Variants in GPC5 observed in about 807,000 individuals in gnomAD.
GPC5 encodes the protein glypican-5.
A neutral mutation model predicts 53.9 loss-of-function variants in GPC5; 47 were observed. That is an observed-to-expected ratio of 0.87 (90% confidence interval 0.69 to 1.11). The LOEUF is 1.11. Ranked by LOEUF, GPC5 falls within the 50% of genes most tolerant of loss-of-function variation. GPC5 has a pLI of 0.00. For synonymous variants in GPC5, 286 were observed against 263.3 expected (o/e 1.09, Z -0.84); for missense variants, 748 against 713.1 (o/e 1.05, Z -0.56).
chr13:92,761,538 C>A, intron 7 of GPC5, among the ~76,000 whole-genome samples: 1 of 152,072 alleles, frequency 6.6e-6, no homozygotes. Flanking sequence ...GTAGAGTCAT[C>A]CTTGTTCTCA....
intron 7 of GPC5, among the ~76,000 whole-genome samples, chr13:92,413,267 C>T (rs865854783): frequency 1.3e-5 from 2 of 152,126 alleles, no homozygotes; most frequent in Non-Finnish European, 1.5e-5. Context: ...GTTGGTTTTA[C>T]AGCTCCTTAA....
chr13:92,621,087 G>C (rs940657891), intron 7 of GPC5, among the ~76,000 whole-genome samples: 6 of 152,052 alleles, frequency 3.9e-5, no homozygotes, highest in African/African-American at 1.4e-4. Context: ...TCTTTCTCTT[G>C]CCTCTTCTTA....
intron 2 of GPC5, among the ~76,000 whole-genome samples, chr13:91,583,287 A>T (rs2032439083): frequency 6.6e-6 from 1 of 152,188 alleles, no homozygotes; most frequent in Admixed American, 6.5e-5. Context: ...CACTGACAAT[A>T]TGTTTATATA....
chr13:92,610,023 T>C (rs186805432), intron 7 of GPC5, among the ~76,000 whole-genome samples: 177 of 84,910 alleles, frequency 2.1e-3, no homozygotes, highest in African/African-American at 8.2e-3. Context: ...AGAGCGAGAC[T>C]CCATCTCAAA....
intron 7 of GPC5, among the ~76,000 whole-genome samples, chr13:92,226,474 G>A (rs1421696003): frequency 1.3e-5 from 2 of 151,964 alleles, no homozygotes; most frequent in African/African-American, 4.8e-5. Context: ...TGGCAGACTA[G>A]TCAGACATAA....
At chr13:92,385,582 T>C (rs867266314) in intron 7 of GPC5, among the ~76,000 whole-genome samples, 20 of 90,426 alleles carry the variant, frequency 2.2e-4, no homozygotes, top group South Asian at 1.8e-3. Context: ...GCATATATAA[T>C]ATATACGCAT....
chr13:92,096,402 T>A (rs1000117449), intron 6 of GPC5, among the ~76,000 whole-genome samples: 2 of 152,362 alleles, frequency 1.3e-5, no homozygotes, highest in Middle Eastern at 3.4e-3. Context: ...AAATCCCTCA[T>A]TGGTTTTCTC....
chr13:92,298,321 T>G (rs539933193), intron 7 of GPC5, among the ~76,000 whole-genome samples: 4 of 152,252 alleles, frequency 2.6e-5, no homozygotes, highest in African/African-American at 9.6e-5. Flanking sequence ...ATTCATGCCC[T>G]CCCCCAAGTT....
intron 7 of GPC5, among the ~76,000 whole-genome samples, chr13:92,822,242 T>C (rs1336053109): frequency 6.6e-6 from 1 of 152,144 alleles, no homozygotes; most frequent in African/African-American, 2.4e-5. Flanking sequence ...AGTATTTTTT[T>C]CAAAGTAAAA....
intron 7 of GPC5, among the ~76,000 whole-genome samples, chr13:92,580,119 G>A (rs1466709686): frequency 1.3e-5 from 2 of 152,184 alleles, no homozygotes; most frequent in Non-Finnish European, 2.9e-5. Context: ...GTTAAGGACA[G>A]CATGTTCAAG....
At chr13:92,381,836 A>T (rs1333514852) in intron 7 of GPC5, among the ~76,000 whole-genome samples, 1 of 99,358 alleles carries the variant, frequency 1.0e-5, no homozygotes. Context: ...CATATATATT[A>T]TATTGTATAT....
intron 7 of GPC5, among the ~76,000 whole-genome samples, chr13:92,649,283 G>A (rs1885880580): frequency 6.6e-6 from 1 of 152,040 alleles, no homozygotes; most frequent in Non-Finnish European, 1.5e-5. Context: ...AATTCAGATA[G>A]CTATAGGCTT....
chr13:92,615,103 T>C (rs1397269336), intron 7 of GPC5, among the ~76,000 whole-genome samples: 1 of 152,188 alleles, frequency 6.6e-6, no homozygotes, highest in African/African-American at 2.4e-5. Flanking sequence ...ATTTCACGTT[T>C]AAGGAAGCAG....
At chr13:92,059,075 T>C (rs563439819) in intron 6 of GPC5, among the ~76,000 whole-genome samples, 1 of 152,334 alleles carries the variant, frequency 6.6e-6, no homozygotes, top group African/African-American at 2.4e-5. Context: ...CATTAGGATA[T>C]GTGGTTGTTA....
At chr13:92,691,638 C>T (rs1887403474) in intron 7 of GPC5, among the ~76,000 whole-genome samples, 1 of 152,106 alleles carries the variant, frequency 6.6e-6, no homozygotes, top group Admixed American at 6.6e-5. Flanking sequence ...AATCAATGAC[C>T]ATATTAGATT....
chr13:92,735,693 C>G (rs1175083009), intron 7 of GPC5, among the ~76,000 whole-genome samples: 1 of 151,976 alleles, frequency 6.6e-6, no homozygotes, highest in Non-Finnish European at 1.5e-5. Context: ...GGGTTAAAAT[C>G]CAATTTCTGA....
At chr13:91,757,047 T>C (rs961179178) in intron 5 of GPC5, among the ~76,000 whole-genome samples, 6 of 152,094 alleles carry the variant, frequency 3.9e-5, no homozygotes, top group African/African-American at 1.4e-4. Flanking sequence ...CTTTTTTTCC[T>C]GCCTATCTAG....
At chr13:92,467,896 A>T (rs1878761321) in intron 7 of GPC5, among the ~76,000 whole-genome samples, 1 of 152,102 alleles carries the variant, frequency 6.6e-6, no homozygotes, top group Admixed American at 6.6e-5. Context: ...CTTTGGGGAG[A>T]TGCACACACA....
At chr13:92,596,839 A>C (rs1033660599) in intron 7 of GPC5, among the ~76,000 whole-genome samples, 2 of 152,168 alleles carry the variant, frequency 1.3e-5, no homozygotes, top group African/African-American at 4.8e-5. Context: ...GCTCCTTATG[A>C]ATTCTTTGTA....
Sources: allele counts gnomAD v4.1 joint callset (sites outside exome capture counted in the v4.1 genomes callset), GRCh38; gene constraint gnomAD v4.1.1; transcripts MANE v1.5; gene names NCBI Gene and HGNC (gene_info 2026-07-23, HGNC 2026-07-21).